Variants in PPP3CA observed in about 807,000 individuals in gnomAD.
The protein encoded by PPP3CA is protein phosphatase 3 catalytic subunit alpha, also known as CAM-PRP catalytic subunit.
In PPP3CA, 14 loss-of-function variants were observed where a neutral mutation model predicts 66.5. The observed-to-expected ratio is 0.21, with a 90% CI of 0.14 to 0.33. The LOEUF is 0.33. Among genes scored for constraint, PPP3CA ranks in the 10% least tolerant of loss-of-function variants. PPP3CA has a pLI of 1.00. For missense variants in PPP3CA, 317 were observed against 639.5 expected (o/e 0.50, Z 5.44); for synonymous variants, 232 against 226.2 (o/e 1.03, Z -0.23).
intron 1 of PPP3CA, among the ~76,000 whole-genome samples, chr4:101,322,902 AAT>A (rs1192871936): frequency 1.3e-5 from 2 of 152,184 alleles, no homozygotes; most frequent in African/African-American, 2.4e-5. Context: ...TAGACACAAA[AAT>A]ATCTTACTGT....
At chr4:101,335,136 T>G (rs1729582937) in intron 1 of PPP3CA, among the ~76,000 whole-genome samples, 1 of 152,178 alleles carries the variant, frequency 6.6e-6, no homozygotes, top group Non-Finnish European at 1.5e-5. Flanking sequence ...TAGCTGTTAA[T>G]ACCTCACAGC....
At chr4:101,147,778 T>A (rs1412997858) in intron 2 of PPP3CA, among the ~76,000 whole-genome samples, 1 of 152,064 alleles carries the variant, frequency 6.6e-6, no homozygotes, top group Non-Finnish European at 1.5e-5. Context: ...TATACTATAT[T>A]TTCCTCTGTG....
At chr4:101,343,571 G>C (rs1009557039) in intron 1 of PPP3CA, among the ~76,000 whole-genome samples, 25 of 143,116 alleles carry the variant, frequency 1.7e-4, no homozygotes, top group Non-Finnish European at 7.7e-5. Flanking sequence ...TCATTACCAA[G>C]ATGTTTTCTC....
rs114839034 is a variant in PPP3CA at position 101,304,296 on chromosome 4, C to T, written c.58+42443G>A. On this transcript the variant is annotated intron_variant, in intron 1 of 13. Coordinates refer to ENST00000394854, the MANE Select transcript of PPP3CA (RefSeq NM_000944.5). ...ATAGTACTATCTTTGGTGAGAGCCA[C>T]GCCATAATATTTACTGAATAATCCA... Among the ~76,000 whole-genome samples the T allele has an allele frequency of 8.4e-3, 1,285 of 152,242 alleles. 19 individuals are homozygous for T. The highest frequency in any genetic ancestry group is 0.029 in the African/African-American group (1,216 of 41,544).
intron 1 of PPP3CA, among the ~76,000 whole-genome samples, chr4:101,289,057 A>AT (rs891757244): frequency 1.6e-4 from 25 of 152,208 alleles, no homozygotes; most frequent in Non-Finnish European, 3.5e-4. Context: ...TTTAAAAAAA[A>AT]GAAAAATGAC....
chr4:101,046,079 A>T (rs1025016474), intron 10 of PPP3CA, among the ~76,000 whole-genome samples: 2 of 152,164 alleles, frequency 1.3e-5, no homozygotes, highest in African/African-American at 4.8e-5. Flanking sequence ...ACAGGGGAGG[A>T]TGCATGAGCT....
At chr4:101,161,591 A>G (rs1236875448) in intron 2 of PPP3CA, among the ~76,000 whole-genome samples, 2 of 152,172 alleles carry the variant, frequency 1.3e-5, no homozygotes, top group Non-Finnish European at 2.9e-5. Flanking sequence ...AATCATTTAA[A>G]TACAGACATA....
chr4:101,240,376 G>A (rs547612270), intron 1 of PPP3CA, among the ~76,000 whole-genome samples: 10 of 152,126 alleles, frequency 6.6e-5, no homozygotes, highest in African/African-American at 1.4e-4. Context: ...ACTACATGAC[G>A]AGTGCCTTTC....
chr4:101,192,630 G>T (rs532171825), intron 2 of PPP3CA, among the ~76,000 whole-genome samples: 3 of 152,144 alleles, frequency 2.0e-5, no homozygotes, highest in African/African-American at 7.2e-5. Flanking sequence ...TGTTATCTCT[G>T]CTCACATCAT....
intron 1 of PPP3CA, among the ~76,000 whole-genome samples, chr4:101,313,010 C>T (rs1284347285): frequency 6.6e-6 from 1 of 152,118 alleles, no homozygotes; most frequent in Non-Finnish European, 1.5e-5. Context: ...CTTATTTCTT[C>T]TTTCCTTCCC....
intron 2 of PPP3CA, among the ~76,000 whole-genome samples, chr4:101,133,747 T>C (rs1247959503): frequency 6.6e-6 from 1 of 152,128 alleles, no homozygotes; most frequent in Non-Finnish European, 1.5e-5. Flanking sequence ...AAAAACTACT[T>C]TAAATTTCAC....
At chr4:101,057,047 T>C (rs192418471) in intron 10 of PPP3CA, among the ~76,000 whole-genome samples, 167 of 151,602 alleles carry the variant, frequency 1.1e-3, no homozygotes, top group Non-Finnish European at 1.8e-3. Context: ...TATAATATCT[T>C]AAGTAGAATA....
intron 1 of PPP3CA, among the ~76,000 whole-genome samples, chr4:101,263,761 G>GA (rs930721713): frequency 4.0e-5 from 6 of 150,128 alleles, no homozygotes; most frequent in Non-Finnish European, 7.4e-5. Context: ...GTTCAGACAG[G>GA]AAAAAAAAAT....
At chr4:101,163,938 G>A (rs1416735850) in intron 2 of PPP3CA, among the ~76,000 whole-genome samples, 1 of 151,758 alleles carries the variant, frequency 6.6e-6, no homozygotes, top group Non-Finnish European at 1.5e-5. Context: ...TCAGGTGGAA[G>A]TTGGTATAAG....
intron 1 of PPP3CA, among the ~76,000 whole-genome samples, chr4:101,264,189 CAT>C (rs1202739577): frequency 6.6e-6 from 1 of 152,170 alleles, no homozygotes; most frequent in African/African-American, 2.4e-5. Flanking sequence ...GAATCATTTT[CAT>C]ATCTTTTTCC....
Position 101,108,980 on chromosome 4 carries a change from C to T in PPP3CA, c.358G>A (p.Val120Ile). 6.2e-7 allele frequency: 1 copy of T among 1,613,804 alleles called. No homozygotes were observed. Among genetic ancestry groups the T allele is most frequent in the Non-Finnish European group, 8.5e-7 (1 of 1,179,802 alleles). The change falls in exon 3 of 14, where the codon GTT (valine) becomes ATT (isoleucine). Residue 120 changes from valine to isoleucine, a missense_variant. By Grantham distance (29) the Val-to-Ile change is conservative (BLOSUM62 3). Coordinates refer to ENST00000394854, the MANE Select transcript of PPP3CA (RefSeq NM_000944.5). The part of the protein sequence containing the change: ...NTRYLFLGDY[V>I]DRGYFSIECV... The stretch of plus-strand genomic sequence containing the variant: ...TCAATACTGAAGTACCCTCTGTCAA[C>T]ATAGTCCCCTAAGAAGAGGTAGCGA...
At chr4:101,062,443 C>T (rs535716309) in intron 9 of PPP3CA, among the ~76,000 whole-genome samples, 2 of 152,064 alleles carry the variant, frequency 1.3e-5, no homozygotes, top group East Asian at 1.9e-4. Context: ...CATCATTACT[C>T]TGATACTTAT....
chr4:101,242,661 G>T (rs1028691374), intron 1 of PPP3CA, among the ~76,000 whole-genome samples: 1 of 152,090 alleles, frequency 6.6e-6, no homozygotes, highest in Non-Finnish European at 1.5e-5. Context: ...GCCAGGTGTG[G>T]TTGCTCATGC....
At chr4:101,036,786 C>T (rs1231353446) in intron 11 of PPP3CA, among the ~76,000 whole-genome samples, 1 of 152,190 alleles carries the variant, frequency 6.6e-6, no homozygotes, top group Non-Finnish European at 1.5e-5. Context: ...TACATAAATG[C>T]TCTGCCAAAT....
Sources: allele counts gnomAD v4.1 joint callset (sites outside exome capture counted in the v4.1 genomes callset), GRCh38; gene constraint gnomAD v4.1.1; transcripts MANE v1.5; gene names NCBI Gene and HGNC (gene_info 2026-07-23, HGNC 2026-07-21).